NT5DC1: variants seen among roughly 807,000 people sequenced by gnomAD.
The protein encoded by NT5DC1 is 5'-nucleotidase domain-containing protein 1.
A neutral mutation model predicts 59.4 loss-of-function variants in NT5DC1; 42 were observed. The observed-to-expected ratio is 0.71, with a 90% CI of 0.55 to 0.92. The LOEUF (loss-of-function observed/expected upper bound fraction) is 0.92. Ranked by LOEUF, NT5DC1 falls within the 40% of genes least tolerant of loss-of-function variation. NT5DC1 has a pLI of 0.00. For missense variants in NT5DC1, 501 were observed against 537.1 expected (o/e 0.93, Z 0.66); for synonymous variants, 172 against 188.1 (o/e 0.91, Z 0.70).
chr6:116,198,467 TGCTTATAATACCA>T (rs1211715812), intron 6 of NT5DC1, among the ~76,000 whole-genome samples: 18 of 152,008 alleles, frequency 1.2e-4, no homozygotes, highest in Non-Finnish European at 2.4e-4. Flanking sequence ...TAGTGACTCA[TGCTTATAATACCA>T]GCAGTTTGGG....
intron 6 of NT5DC1, among the ~76,000 whole-genome samples, chr6:116,199,216 G>C (rs1334952356): frequency 6.6e-6 from 1 of 152,074 alleles, no homozygotes; most frequent in Non-Finnish European, 1.5e-5. Context: ...ATAGACAAGA[G>C]AGTTTGTCAG....
At chr6:116,211,411 C>G (rs1256526981) in intron 6 of NT5DC1, among the ~76,000 whole-genome samples, 1 of 152,022 alleles carries the variant, frequency 6.6e-6, no homozygotes, top group Non-Finnish European at 1.5e-5. Context: ...TGAATTTTCT[C>G]TAGCAAAAGT....
intron 6 of NT5DC1, among the ~76,000 whole-genome samples, chr6:116,184,507 G>A (rs1021418169): frequency 1.3e-5 from 2 of 152,008 alleles, no homozygotes; most frequent in Non-Finnish European, 2.9e-5. Flanking sequence ...CTATGAATCC[G>A]TCTGATCCTG....
rs976216087 is a variant in NT5DC1, at chr6:116,245,432, C to T, written c.*1408C>T. On this transcript the variant is annotated 3_prime_UTR_variant, in exon 12 of 12. Coordinates refer to ENST00000319550, the MANE Select transcript of NT5DC1 (RefSeq NM_152729.3). ...AATGTTCAGCTAAATCTCAGATATA[C>T]TGTGGGATGAGTATCTCAGGGTAAG... 1 of 152,450 alleles carries T rather than the reference C, an allele frequency of 6.6e-6. No individual in the cohort carries two copies. The highest frequency in any genetic ancestry group is 2.4e-5 in the African/African-American group (1 of 41,394). 9.4% of individuals were successfully genotyped at this position (152,450 alleles called of 1,614,324 possible). A position where few individuals can be genotyped will look rare whatever the true frequency, so the allele number is the denominator to read the frequency against.
chr6:116,149,301 A>G (rs917438711), intron 6 of NT5DC1, among the ~76,000 whole-genome samples: 20 of 152,224 alleles, frequency 1.3e-4, no homozygotes, highest in Admixed American at 1.2e-3. Flanking sequence ...TGTTTTCATC[A>G]CTGCAAAATT....
intron 6 of NT5DC1, among the ~76,000 whole-genome samples, chr6:116,208,883 AAT>A (rs1781515126): frequency 6.6e-6 from 1 of 151,990 alleles, no homozygotes; most frequent in African/African-American, 2.4e-5. Flanking sequence ...AGAATATACT[AAT>A]AGAGAACCCA....
At chr6:116,115,260 G>T (rs1405140155) in intron 4 of NT5DC1, among the ~76,000 whole-genome samples, 3 of 151,950 alleles carry the variant, frequency 2.0e-5, no homozygotes, top group Non-Finnish European at 4.4e-5. Context: ...ATAGAATACA[G>T]TACTCTAGGA....
chr6:116,198,999 T>G (rs1781289638), intron 6 of NT5DC1, among the ~76,000 whole-genome samples: 1 of 152,038 alleles, frequency 6.6e-6, no homozygotes, highest in Non-Finnish European at 1.5e-5. Context: ...GGTAATTCTT[T>G]GTTGGAGGAG....
At chr6:116,215,946 G>A (rs555393921) in intron 6 of NT5DC1, among the ~76,000 whole-genome samples, 1 of 152,208 alleles carries the variant, frequency 6.6e-6, no homozygotes, top group African/African-American at 2.4e-5. Context: ...AGTCTGTTTG[G>A]CTTGTCTATA....
At position 116,202,263 on chromosome 6, in the gene NT5DC1, T is replaced by C. The variant is rs570767209; in HGVS notation, c.530-18791T>C. Among the ~76,000 whole-genome samples, 7 of 151,998 alleles carry C rather than the reference T, an allele frequency of 4.6e-5. No individual in the cohort carries two copies. In the South Asian group the frequency reaches 1.5e-3, roughly 31 times the overall value. ...TGGCTATTCTTTTCGAGAAAACATT[T>C]CTGTAGTACCTTTTTTTCTTATGCT... On this transcript the variant is annotated intron_variant, in intron 6 of 11. Transcript: ENST00000319550.
At chr6:116,165,411 C>A (rs563567081) in intron 6 of NT5DC1, among the ~76,000 whole-genome samples, 36 of 152,296 alleles carry the variant, frequency 2.4e-4, no homozygotes, top group African/African-American at 8.7e-4. Flanking sequence ...TTCCTGAATT[C>A]TTTCTACCAA....
intron 6 of NT5DC1, among the ~76,000 whole-genome samples, chr6:116,180,468 C>T (rs1402002140): frequency 6.6e-6 from 1 of 152,044 alleles, no homozygotes; most frequent in East Asian, 1.9e-4. Flanking sequence ...TCATTAATGA[C>T]TGCTAAAACT....
At chr6:116,148,429 A>G (rs11967113) in intron 6 of NT5DC1, among the ~76,000 whole-genome samples, 4,963 of 152,274 alleles carry the variant, frequency 0.033, 285 homozygotes, top group African/African-American at 0.11. Context: ...GAACATTTGA[A>G]TACAGTGATA....
At chr6:116,143,434 G>C (rs1779816188) in intron 6 of NT5DC1, among the ~76,000 whole-genome samples, 1 of 152,096 alleles carries the variant, frequency 6.6e-6, no homozygotes, top group Admixed American at 6.6e-5. Context: ...GGATGGTCTT[G>C]ATCTCTTAAC....
At chr6:116,206,214 G>A (rs572527339) in intron 6 of NT5DC1, among the ~76,000 whole-genome samples, 59 of 152,094 alleles carry the variant, frequency 3.9e-4, no homozygotes, top group African/African-American at 1.3e-3. Flanking sequence ...ATAGCATTTC[G>A]TGGTTAATCA....
intron 1 of NT5DC1, among the ~76,000 whole-genome samples, chr6:116,101,859 A>G (rs1366537165): frequency 6.6e-6 from 1 of 152,166 alleles, no homozygotes; most frequent in Non-Finnish European, 1.5e-5. Context: ...AAGCATCCAG[A>G]CAGAAAAAGA....
At chr6:116,236,639 G>T (rs1013037399) in intron 8 of NT5DC1, among the ~76,000 whole-genome samples, 1 of 152,146 alleles carries the variant, frequency 6.6e-6, no homozygotes, top group East Asian at 1.9e-4. Context: ...TTGGTAAACC[G>T]TTTTGTAGCA....
intron 6 of NT5DC1, chr6:116,121,731 C>T: frequency 6.2e-7 from 1 of 1,614,062 alleles, no homozygotes; most frequent in Non-Finnish European, 8.5e-7. Flanking sequence ...GCTGGTCCAA[C>T]ATCTCCTTTT....
chr6:116,159,660 G>T (rs1346189704), intron 6 of NT5DC1, among the ~76,000 whole-genome samples: 1 of 152,274 alleles, frequency 6.6e-6, no homozygotes, highest in East Asian at 1.9e-4. Context: ...AGGGATATAT[G>T]TGCAGGTTTG....
Sources: gnomAD v4.1 joint callset for allele counts (sites outside exome capture counted in the v4.1 genomes callset) on GRCh38, gnomAD v4.1.1 for gene constraint, MANE v1.5 for transcripts, NCBI Gene and HGNC (gene_info 2026-07-23, HGNC 2026-07-21) for gene names.